CASKIN1: variants seen among roughly 807,000 people sequenced by gnomAD.
The protein encoded by CASKIN1 is CASK interacting protein 1, also known as caskin-1.
A neutral mutation model predicts 117.5 loss-of-function variants in CASKIN1; 42 were observed. The ratio of observed to expected loss-of-function variants is 0.36; its 90% CI spans 0.28 to 0.46. The LOEUF (loss-of-function observed/expected upper bound fraction) is 0.46, where lower values mean the gene tolerates loss of function less well. CASKIN1 is among the 20% of genes least tolerant of loss of function. The pLI is 1.00. For synonymous variants in CASKIN1, 1,148 were observed against 961.7 expected (o/e 1.19, Z -3.59); for missense variants, 2,083 against 2,077.3 (o/e 1.00, Z -0.05).
chr16:2,178,650 CGGGGCGCGGGGCAA>C lies in CASKIN1; in HGVS notation c.4200-18_4200-5del. The C allele has an allele frequency of 1.3e-6, 2 of 1,580,496 alleles. No homozygotes were observed. The highest frequency in any genetic ancestry group is 1.7e-6 in the Non-Finnish European group (2 of 1,170,206). Reference sequence around the variant, plus strand: ...GCTCTTTTCCGCCGCCGAGTCGCTGCGGGGCGCGGGGCAAGGGGCGTGAGTGGGCGGGGCGGGTC... The same window carrying C: ...GCTCTTTTCCGCCGCCGAGTCGCTGCGGGGCGTGAGTGGGCGGGGCGGGTC... On this transcript the variant is annotated splice_region_variant and splice_polypyrimidine_tract_variant and intron_variant, in intron 19 of 19. Transcript: ENST00000343516.
At position 2,181,324 on chromosome 16, in the gene CASKIN1, G is replaced by C; in HGVS notation, c.2044C>G (p.Leu682Val). Residue 682 changes from leucine (L) to valine (V), a missense_variant, in exon 18 of 20, where the codon CTG becomes GTG. Physicochemically the swap from Leu to Val is conservative, Grantham distance 32. Transcript: ENST00000343516. ...GTGGTGGCCCTCGGGGTGGGTGGCA[G>C]GTGGCTGGAGGGCTTCTCAGTGGTG... ...GPTTEKPSSHLPPTPRATTRQ... is the reference protein window; with the variant it reads ...GPTTEKPSSHVPPTPRATTRQ... The C allele has an allele frequency of 6.2e-7, 1 of 1,605,584 alleles. No homozygotes were observed. The highest frequency in any genetic ancestry group is 1.3e-5 in the African/African-American group (1 of 74,984).
chr16:2,190,454 C>CCTGCCGGGG, intron 1 of CASKIN1, 96 bp from the exon 2 acceptor site: 1 of 1,105,288 alleles, frequency 9.0e-7, no homozygotes, highest in Non-Finnish European at 1.3e-6. Flanking sequence ...CCCCGGCAGG[C>CCTGCCGGGG]ACAAAGCTGC....
chr16:2,181,885 G>A lies in CASKIN1; in HGVS notation c.1674C>T (p.Tyr558=), dbSNP rs757837330. 5 of 1,613,832 alleles carry A rather than the reference G, an allele frequency of 3.1e-6. No homozygotes were observed. Among genetic ancestry groups the A allele is most frequent in the Admixed American group, 1.7e-5 (1 of 60,028 alleles). The part of the protein sequence containing the change: ...VWLSMIGLAQ[Y]YKVLVDNGYE... ...AGCCATTGTCCACCAACACCTTGTA[G>A]TACTGGGCCAGGCCGATCATGGACA... The change falls in exon 17 of 20, where the codon TAC becomes TAT. Residue 558 remains tyrosine (Y), a synonymous_variant. Coordinates refer to ENST00000343516, the MANE Select transcript of CASKIN1 (RefSeq NM_020764.4).
Position 2,189,124 on chromosome 16 carries a change from C to T in CASKIN1, c.520G>A (p.Ala174Thr). ...CCCGGCCGGGGCTCCAGCAGCGCCG[C>T]ACACATATTGCTGCTGAGGAGCAGC... ...VQLLLSSNMCAALLEPRPGDA... is the reference protein window; with the variant it reads ...VQLLLSSNMCTALLEPRPGDA... Residue 174 changes from alanine to threonine, a missense_variant, in exon 6 of 20, where the codon GCG becomes ACG. This residue lies in a region of CASKIN1 where 203 missense variants were observed against 338.7 expected (regional missense o/e 0.60). Transcript: ENST00000343516. The T allele has an allele frequency of 2.5e-6, 4 of 1,613,416 alleles. No individual in the cohort carries two copies. The highest frequency in any genetic ancestry group is 1.1e-5 in the South Asian group (1 of 91,048).
At position 2,179,083 on chromosome 16, in the gene CASKIN1, C is replaced by A. The variant is rs1380725979; in HGVS notation, c.4018G>T (p.Ala1340Ser). The A allele has an allele frequency of 1.0e-6, 1 of 982,448 alleles. No individual in the cohort carries two copies. 60.9% of individuals were successfully genotyped at this position (982,448 alleles called of 1,614,324 possible). A position where few individuals can be genotyped will look rare whatever the true frequency, so the allele number is the denominator to read the frequency against. Residue 1340 changes from alanine (A) to serine (S), a missense_variant, in exon 19 of 20, where the codon GCC becomes TCC. Ala to Ser is a moderately conservative substitution (Grantham distance 99). Coordinates refer to ENST00000343516, the MANE Select transcript of CASKIN1 (RefSeq NM_020764.4). The surrounding 1 kb of genome is among the most constrained non-coding windows in gnomAD (Gnocchi z 5.8). ...GCGGCGGCGGCTCGCGGGGGCTTGG[C>A]GGGCACGTGCAGCGCGGGCGCGCCG... ...SPGAPALHVP[A>S]KPPRAAAAAA...
chr16:2,183,331 G>A (rs1163462359), intron 16 of CASKIN1, among the ~76,000 whole-genome samples: 5 of 152,210 alleles, frequency 3.3e-5, no homozygotes, highest in Non-Finnish European at 7.4e-5. Context: ...GTGCTTGGAG[G>A]CTTGGTGGCT....
Position 2,180,727 on chromosome 16 carries a change from G to A in CASKIN1, c.2641C>T (p.His881Tyr), listed in dbSNP as rs2093164735. The change falls in exon 18 of 20, where the codon CAC becomes TAC. Residue 881 changes from histidine (H) to tyrosine (Y), a missense_variant. Around this residue, in one of 3 missense-constraint regions of CASKIN1, gnomAD observed 1,818 missense variants for 1,688.9 expected, o/e 1.08. Transcript: ENST00000343516. ...GACGCCGCATAGCGATTCAGGCTGT[G>A]GGCCCGCTTCTTGGGCCGCCCCGGC... Reference protein sequence around the residue: ...AEPGRPKKRAHSLNRYAASDS... With the variant: ...AEPGRPKKRAYSLNRYAASDS... 1 of 1,454,376 alleles carries A rather than the reference G, an allele frequency of 6.9e-7. No individual in the cohort carries two copies. Among genetic ancestry groups the A allele is most frequent in the African/African-American group, 1.5e-5 (1 of 68,248 alleles). 90.1% of individuals were successfully genotyped at this position (1,454,376 alleles called of 1,614,324 possible). A position where few individuals can be genotyped will look rare whatever the true frequency, so the allele number is the denominator to read the frequency against.
chr16:2,178,834 CTCTGCCGAGCCCCGCCCAT>C, intron 19 of CASKIN1, 49 bp downstream of exon 19: 1 of 1,333,646 alleles, frequency 7.5e-7, no homozygotes, highest in Non-Finnish European at 9.6e-7. Flanking sequence ...CCCCGCCCAT[CTCTGCCGAGCCCCGCCCAT>C]CTCTGCCGAG....
chr16:2,179,628 G>A lies in CASKIN1; in HGVS notation c.3740C>T (p.Ser1247Phe). ...AGGGCCTGGCAGCGGCACCTTCTTGGAGGTGGGTGTGGGCGAGCCCTGGAG... is the reference window on the plus strand; with the variant it reads ...AGGGCCTGGCAGCGGCACCTTCTTGAAGGTGGGTGTGGGCGAGCCCTGGAG... ...PKLQGSPTPT[S>F]KKVPLPGPGS... The change falls in exon 18 of 20, where the codon TCC (serine) becomes TTC (phenylalanine). Residue 1247 changes from serine (S) to phenylalanine (F), a missense_variant. By Grantham distance (155) the Ser-to-Phe change is radical (BLOSUM62 -2). Coordinates refer to ENST00000343516, the MANE Select transcript of CASKIN1 (RefSeq NM_020764.4). This position sits in a 1 kb window ranked among gnomAD's most constrained non-coding sequence, Gnocchi z 5.8. 1 of 1,473,200 alleles carries A rather than the reference G, an allele frequency of 6.8e-7. No individual in the cohort carries two copies. The highest frequency in any genetic ancestry group is 2.6e-5 in the Admixed American group (1 of 37,796). 91.3% of individuals were successfully genotyped at this position (1,473,200 alleles called of 1,614,324 possible). A position where few individuals can be genotyped will look rare whatever the true frequency, so the allele number is the denominator to read the frequency against.
Position 2,178,563 on chromosome 16 carries a change from G to T in CASKIN1, c.4283C>A (p.Ala1428Asp). The T allele has an allele frequency of 6.3e-7, 1 of 1,593,728 alleles. No individual in the cohort carries two copies. The highest frequency in any genetic ancestry group is 1.7e-4 in the Middle Eastern group (1 of 5,752). ...MFDDLADQLDAMLE is the reference protein window; with the variant it reads ...MFDDLADQLDDMLE ...GCCAGGCGGCGTTCACTCCAGCATG[G>T]CATCCAGCTGGTCGGCCAGGTCGTC... Residue 1428 changes from alanine (A) to aspartate (D), a missense_variant, in exon 20 of 20, where the codon GCC becomes GAC. By Grantham distance (126) the Ala-to-Asp change is moderately radical (BLOSUM62 -2). This residue lies in a region of CASKIN1 where 1,818 missense variants were observed against 1,688.9 expected (regional missense o/e 1.08). Coordinates refer to ENST00000343516, the MANE Select transcript of CASKIN1 (RefSeq NM_020764.4).
At position 2,177,291 on chromosome 16, in the gene CASKIN1, A is replaced by T. The variant is rs376350214; in HGVS notation, c.*1259T>A. The T allele has an allele frequency of 4.2e-6, 1 of 235,852 alleles. No homozygotes were observed. The allele number at this position is 235,852 out of a possible 1,614,324, so 14.6% of individuals were successfully genotyped here. ...CCTCTGAGGAGAGGCCTGGGGGGAC[A>T]GCTGGGCACGTCCACTCGCAGGGAA... On this transcript the variant is annotated 3_prime_UTR_variant, in exon 20 of 20. Coordinates refer to ENST00000343516, the MANE Select transcript of CASKIN1 (RefSeq NM_020764.4).
chr16:2,194,839 C>A (rs746834803), intron 1 of CASKIN1, among the ~76,000 whole-genome samples: 46 of 152,282 alleles, frequency 3.0e-4, no homozygotes, highest in Non-Finnish European at 6.5e-4. Flanking sequence ...GAAGCCCCCA[C>A]TTCCCCAGCC....
At chr16:2,190,492 C>T (rs986079815) in intron 1 of CASKIN1, 134 bp from the exon 2 acceptor site, 16 of 780,444 alleles carry the variant, frequency 2.1e-5, no homozygotes, top group African/African-American at 1.0e-4. Flanking sequence ...GACACTCACT[C>T]GTCCACTCGT....
chr16:2,184,190 CG>C (rs572691768), intron 14 of CASKIN1, among the ~76,000 whole-genome samples: 3 of 147,684 alleles, frequency 2.0e-5, no homozygotes, highest in Non-Finnish European at 4.5e-5. Context: ...GGGAGGGGGG[CG>C]GGGGGGCTGC....
At chr16:2,181,667 GGGGCT>G (rs2093168613) in intron 17 of CASKIN1, 68 bp from the exon 18 acceptor site, 3 of 1,472,064 alleles carry the variant, frequency 2.0e-6, no homozygotes, top group Non-Finnish European at 1.8e-6. Flanking sequence ...GGCTAGGGGC[GGGGCT>G]GGGCTGGGCT....
chr16:2,179,038 C>T lies in CASKIN1; in HGVS notation c.4063G>A (p.Ala1355Thr). 3.6e-6 allele frequency: 3 copies of T among 824,646 alleles called. No homozygotes were observed. The highest frequency in any genetic ancestry group is 5.5e-5 in the South Asian group (1 of 18,298). 51.1% of individuals were successfully genotyped at this position (824,646 alleles called of 1,614,324 possible). A position where few individuals can be genotyped will look rare whatever the true frequency, so the allele number is the denominator to read the frequency against. The change falls in exon 19 of 20, where the codon GCG becomes ACG. Residue 1355 changes from alanine (A) to threonine (T), a missense_variant. Ala to Thr is a moderately conservative substitution (Grantham distance 58). Transcript: ENST00000343516. The surrounding 1 kb of genome is among the most constrained non-coding windows in gnomAD (Gnocchi z 5.8). Reference protein sequence around the residue: ...AAAAAAAAAAAPPAPPEGASP... With the variant: ...AAAAAAAAAATPPAPPEGASP... The stretch of plus-strand genomic sequence containing the variant: ...GCGCCTTCGGGCGGGGCGGGGGGCG[C>T]GGCGGCGGCGGCGGCGGCGGCGGCG...
At chr16:2,185,968 G>A (rs754098736) in intron 10 of CASKIN1, among the ~76,000 whole-genome samples, 1 of 152,138 alleles carries the variant, frequency 6.6e-6, no homozygotes, top group African/African-American at 2.4e-5. Flanking sequence ...GCAAACACTT[G>A]AGTGCCTTTG....
chr16:2,178,504 T>C lies in CASKIN1; in HGVS notation c.*46A>G, dbSNP rs752990769. 6.8e-7 allele frequency: 1 copy of C among 1,469,946 alleles called. No individual in the cohort carries two copies. Among genetic ancestry groups the C allele is most frequent in the South Asian group, 1.2e-5 (1 of 80,956 alleles). 91.1% of individuals were successfully genotyped at this position (1,469,946 alleles called of 1,614,324 possible). A position where few individuals can be genotyped will look rare whatever the true frequency, so the allele number is the denominator to read the frequency against. On this transcript the variant is annotated 3_prime_UTR_variant, in exon 20 of 20. Coordinates refer to ENST00000343516, the MANE Select transcript of CASKIN1 (RefSeq NM_020764.4). ...GCCCATCCTGAGGTATAGGTCAGTGTGCGGGGAGGGCCCGGGCGGCGCGGG... is the reference window on the plus strand; with the variant it reads ...GCCCATCCTGAGGTATAGGTCAGTGCGCGGGGAGGGCCCGGGCGGCGCGGG...
In CASKIN1 at chr16:2,187,056, C is replaced by T. The variant is rs753980423; in HGVS notation, c.852G>A (p.Leu284=). ...KQLLREASAA[L]QVRATKDYCN... is the part of the protein sequence containing the mutation. ...AATAATCCTTGGTCGCCCGGACCTG[C>T]AGGGCCGCTGAGGCCTCTGGGGATA... is the stretch of plus-strand genomic sequence containing the variant. The change falls in exon 9 of 20, where the codon CTG becomes CTA. Residue 284 remains leucine (L), a synonymous_variant. Transcript: ENST00000343516. 1.2e-6 allele frequency: 2 copies of T among 1,613,694 alleles called. No individual in the cohort carries two copies. Among genetic ancestry groups the T allele is most frequent in the Non-Finnish European group, 1.7e-6 (2 of 1,179,920 alleles).
Sources: gnomAD v4.1 joint callset for allele counts (sites outside exome capture counted in the v4.1 genomes callset) on GRCh38, gnomAD v4.1.1 for gene constraint, gnomAD v4.1.1 regional missense constraint, Gnocchi (gnomAD v3.1) non-coding constraint, MANE v1.5 for transcripts, NCBI Gene and HGNC (gene_info 2026-07-23, HGNC 2026-07-21) for gene names.